Variants in ADCYAP1R1 observed in about 807,000 individuals in gnomAD.
The protein encoded by ADCYAP1R1 is ADCYAP receptor type I.
Under a neutral mutation model 67.6 loss-of-function variants are expected in ADCYAP1R1, and 44 were observed. The observed-to-expected ratio is 0.65, with a 90% CI of 0.51 to 0.84. ADCYAP1R1 has a LOEUF of 0.84. ADCYAP1R1 is among the 40% of genes least tolerant of loss of function. The probability of loss-of-function intolerance (pLI) is 0.00; values close to 1 mark genes in which losing one functional copy is unlikely to be tolerated. For missense variants in ADCYAP1R1, 477 were observed against 587.9 expected, an observed-to-expected ratio of 0.81 and a Z score of 1.95; for synonymous variants, 222 against 219.6, an observed-to-expected ratio of 1.01 and a Z score of -0.10.
Position 31,106,898 on chromosome 7 carries a change from A to C in ADCYAP1R1, c.*214A>C. The C allele has an allele frequency of 1.8e-6, 1 of 568,344 alleles. No homozygotes were observed. The highest frequency in any genetic ancestry group is 3.0e-6 in the Non-Finnish European group (1 of 336,114). The allele number at this position is 568,344 out of a possible 1,614,324, so 35.2% of individuals were successfully genotyped here. A position where few individuals can be genotyped will look rare whatever the true frequency, so the allele number is the denominator to read the frequency against. ...ACCCACTGTGGTCCCCTGGGCCCTGACCCCAGACATGTAAATACTCCTCAA... is the reference window on the plus strand; with the variant it reads ...ACCCACTGTGGTCCCCTGGGCCCTGCCCCCAGACATGTAAATACTCCTCAA... On this transcript the variant is annotated 3_prime_UTR_variant, in exon 16 of 16. Transcript: ENST00000304166.
At chr7:31,103,015 C>CTA (rs1369389440) in intron 13 of ADCYAP1R1, among the ~76,000 whole-genome samples, 1 of 152,212 alleles carries the variant, frequency 6.6e-6, no homozygotes, top group Admixed American at 6.5e-5. Context: ...GTTCTACAGG[C>CTA]TATTGACTGA....
intron 3 of ADCYAP1R1, among the ~76,000 whole-genome samples, chr7:31,074,612 G>A (rs1441828729): frequency 6.6e-6 from 1 of 152,224 alleles, no homozygotes; most frequent in Non-Finnish European, 1.5e-5. Flanking sequence ...ACATCTGTTG[G>A]CTGGGGCATG....
chr7:31,103,134 T>G, intron 13 of ADCYAP1R1, 103 bp from the exon 14 acceptor site: 4 of 1,496,666 alleles, frequency 2.7e-6, no homozygotes, highest in Non-Finnish European at 3.6e-6. Flanking sequence ...GGGCCCCAGC[T>G]TGGAGGGAGA....
intron 3 of ADCYAP1R1, among the ~76,000 whole-genome samples, chr7:31,076,707 T>C (rs1795238096): frequency 6.6e-6 from 1 of 152,158 alleles, no homozygotes; most frequent in Admixed American, 6.5e-5. Flanking sequence ...CTTCTCCAGC[T>C]GATGAATTTG....
At chr7:31,052,789 C>A (rs1017683604) in intron 1 of ADCYAP1R1, 111 bp downstream of exon 1, 2 of 152,238 alleles carry the variant, frequency 1.3e-5, no homozygotes, top group Non-Finnish European at 1.5e-5. Context: ...TGGCGGTCTC[C>A]GCCAGCCGCG....
chr7:31,080,665 G>C (rs1584509366), intron 5 of ADCYAP1R1, 32 bp downstream of exon 5: 2 of 1,611,762 alleles, frequency 1.2e-6, no homozygotes, highest in African/African-American at 1.3e-5. Context: ...ATAGACCGCT[G>C]TCTTTCTGTC....
rs1795775974 is a variant in ADCYAP1R1 at position 31,087,020 on chromosome 7, G to C, written c.884+17G>C. 1 of 1,614,116 alleles carries C rather than the reference G, an allele frequency of 6.2e-7. No individual in the cohort carries two copies. ...TGACACAGGGTTAGTACATGCGCGA[G>C]AGTCAGGGCCACAGCACAGAGTAGA... On this transcript the variant is annotated intron_variant, in intron 11 of 15. Transcript: ENST00000304166.
At chr7:31,060,577 T>A (rs1352581660) in intron 1 of ADCYAP1R1, among the ~76,000 whole-genome samples, 1 of 152,106 alleles carries the variant, frequency 6.6e-6, no homozygotes, top group Non-Finnish European at 1.5e-5. Flanking sequence ...CATGGGAGTT[T>A]GTATTGATAC....
chr7:31,076,597 G>A (rs1299735933), intron 3 of ADCYAP1R1, among the ~76,000 whole-genome samples: 1 of 152,174 alleles, frequency 6.6e-6, no homozygotes, highest in Admixed American at 6.5e-5. Flanking sequence ...ATGCTGTGGG[G>A]GGCCTCTGCA....
intron 1 of ADCYAP1R1, among the ~76,000 whole-genome samples, chr7:31,060,319 A>G (rs1436514656): frequency 6.6e-6 from 1 of 152,204 alleles, no homozygotes. Context: ...TCTATAGCTG[A>G]ATGCCTTTGC....
At chr7:31,101,308 G>T (rs1348352817) in intron 13 of ADCYAP1R1, among the ~76,000 whole-genome samples, 1 of 152,160 alleles carries the variant, frequency 6.6e-6, no homozygotes, top group Non-Finnish European at 1.5e-5. Context: ...TCCATCCCAT[G>T]TAATTCCACC....
rs372698795 is a variant in ADCYAP1R1 at position 31,085,418 on chromosome 7, C to T, written c.645C>T (p.Asp215=). ...IKDWILYAEQ[D]SNHCFISTVE... The stretch of plus-strand genomic sequence containing the variant: ...ACTGGATTCTGTATGCGGAGCAGGA[C>T]AGCAACCACTGCTTCATCTCCACTG... Residue 215 remains aspartate, a synonymous_variant, in exon 9 of 16, where the codon GAC becomes GAT. Transcript: ENST00000304166. The T allele has an allele frequency of 3.4e-4, 551 of 1,613,510 alleles. 1 individual carries two copies. The highest frequency in any genetic ancestry group is 4.2e-4 in the Non-Finnish European group (495 of 1,179,990).
intron 5 of ADCYAP1R1, among the ~76,000 whole-genome samples, chr7:31,081,374 A>T (rs913233256): frequency 1.3e-5 from 2 of 152,070 alleles, no homozygotes; most frequent in Non-Finnish European, 2.9e-5. Flanking sequence ...TTTTTTTGAA[A>T]AGGCCCAACC....
intron 7 of ADCYAP1R1, 92 bp from the exon 8 acceptor site, chr7:31,084,645 G>T: frequency 9.6e-7 from 1 of 1,039,196 alleles, no homozygotes. Context: ...AGGTGGGCAG[G>T]CCCTGGCCTG....
intron 12 of ADCYAP1R1, among the ~76,000 whole-genome samples, chr7:31,089,421 C>T (rs1310744440): frequency 1.7e-5 from 2 of 117,706 alleles, no homozygotes; most frequent in African/African-American, 6.6e-5. Flanking sequence ...TGGCTTGTTT[C>T]AGTTTTTTTT....
chr7:31,064,973 T>G (rs768729717), intron 3 of ADCYAP1R1, 37 bp downstream of exon 3: 1 of 1,497,952 alleles, frequency 6.7e-7, no homozygotes, highest in Non-Finnish European at 9.1e-7. Flanking sequence ...ACGTCCCCAG[T>G]GCCAGCTTTT....
rs1216768318 is a variant in ADCYAP1R1, at chr7:31,052,580, A to G, written c.-170A>G. On this transcript the variant is annotated 5_prime_UTR_variant, in exon 1 of 16. Coordinates refer to ENST00000304166, the MANE Select transcript of ADCYAP1R1 (RefSeq NM_001118.5). Reference sequence around the variant, plus strand: ...GCTCGGCGCGCGCTCCTCGGCGCACACGCTCCCCATCCCCGCGCCGCGCGG... The same window carrying G: ...GCTCGGCGCGCGCTCCTCGGCGCACGCGCTCCCCATCCCCGCGCCGCGCGG... 1 of 148,668 alleles carries G rather than the reference A, an allele frequency of 6.7e-6. No individual in the cohort carries two copies. The highest frequency in any genetic ancestry group is 1.5e-5 in the Non-Finnish European group (1 of 67,058). 9.2% of individuals were successfully genotyped at this position (148,668 alleles called of 1,614,324 possible).
chr7:31,058,303 C>T (rs1011178444), intron 1 of ADCYAP1R1, among the ~76,000 whole-genome samples: 4 of 152,324 alleles, frequency 2.6e-5, no homozygotes, highest in South Asian at 4.1e-4. Context: ...AGTCACCGCT[C>T]GCTCCCATGT....
intron 11 of ADCYAP1R1, 107 bp from the exon 12 acceptor site, chr7:31,087,520 T>C (rs984069917): frequency 1.6e-5 from 15 of 928,546 alleles, no homozygotes; most frequent in East Asian, 9.7e-5. Context: ...CTCAGAGAGC[T>C]GCGGTGGTGA....
Sources: gnomAD v4.1 joint callset for allele counts (sites outside exome capture counted in the v4.1 genomes callset) on GRCh38, gnomAD v4.1.1 for gene constraint, MANE v1.5 for transcripts, NCBI Gene and HGNC (gene_info 2026-07-23, HGNC 2026-07-21) for gene names.